The following ECT2 variants were observed in gnomAD, a reference collection of about 807,000 sequenced individuals.
ECT2 encodes protein ECT2.
A neutral mutation model predicts 116.9 loss-of-function variants in ECT2; 61 were observed. That is an observed-to-expected ratio of 0.52 (90% CI 0.42 to 0.65). The LOEUF (loss-of-function observed/expected upper bound fraction) is 0.65. Ranked by LOEUF, ECT2 falls within the 30% of genes least tolerant of loss-of-function variation. The probability of loss-of-function intolerance (pLI) is 0.00; values close to 1 mark genes in which losing one functional copy is unlikely to be tolerated. For synonymous variants in ECT2, 358 were observed against 346.4 expected (o/e 1.03, Z -0.37); for missense variants, 937 against 1,078.7 (o/e 0.87, Z 1.84).
chr3:172,787,026 A>G (rs1723721647), intron 18 of ECT2, among the ~76,000 whole-genome samples: 1 of 152,192 alleles, frequency 6.6e-6, no homozygotes, highest in Admixed American at 6.5e-5. Context: ...TTGGTTGGAA[A>G]TGTATTAAAA....
At chr3:172,770,483 T>C (rs1720407673) in intron 13 of ECT2, among the ~76,000 whole-genome samples, 2 of 152,158 alleles carry the variant, frequency 1.3e-5, no homozygotes, top group Admixed American at 1.3e-4. Flanking sequence ...GTGGCCTAAA[T>C]TCATGATAGT....
At chr3:172,773,424 T>C (rs1721027576) in intron 13 of ECT2, among the ~76,000 whole-genome samples, 1 of 152,114 alleles carries the variant, frequency 6.6e-6, no homozygotes, top group South Asian at 2.1e-4. Flanking sequence ...TTCTTTTACT[T>C]TTTAGATTGA....
chr3:172,755,114 A>G (rs893654642), intron 2 of ECT2, among the ~76,000 whole-genome samples, 181 bp from the exon 3 acceptor site: 5 of 151,488 alleles, frequency 3.3e-5, no homozygotes, highest in African/African-American at 1.2e-4. Context: ...CTCTTTCTCT[A>G]AAGTGATATA....
chr3:172,757,250 C>A (rs1410514856), intron 5 of ECT2, 85 bp downstream of exon 5: 4 of 1,076,488 alleles, frequency 3.7e-6, no homozygotes, highest in African/African-American at 1.7e-5. Context: ...TTGGAAAAAT[C>A]TCATTGATTG....
chr3:172,781,685 G>A (rs1441449062), intron 14 of ECT2, among the ~76,000 whole-genome samples: 3 of 152,102 alleles, frequency 2.0e-5, no homozygotes, highest in Non-Finnish European at 4.4e-5. Context: ...AGCCCATTGC[G>A]TGTTTCGGTT....
chr3:172,765,665 A>G (rs1387556277), intron 12 of ECT2, among the ~76,000 whole-genome samples: 1 of 152,186 alleles, frequency 6.6e-6, no homozygotes, highest in African/African-American at 2.4e-5. Context: ...CAACACTTAG[A>G]AAAATCTTTA....
intron 22 of ECT2, among the ~76,000 whole-genome samples, chr3:172,808,214 T>G (rs1728121517): frequency 6.6e-6 from 1 of 152,094 alleles, no homozygotes; most frequent in Non-Finnish European, 1.5e-5. Flanking sequence ...ACCCTGTGAT[T>G]TTTCATTGAT....
chr3:172,826,405 T>G (rs1450461892), downstream of ECT2, among the ~76,000 whole-genome samples: 1 of 152,250 alleles, frequency 6.6e-6, no homozygotes, highest in African/African-American at 2.4e-5. Context: ...ACAGCACATC[T>G]TTTTATAGCA....
At chr3:172,822,027 A>G (rs1230590912), downstream of ECT2, among the ~76,000 whole-genome samples, 3 of 150,808 alleles carry the variant, frequency 2.0e-5, no homozygotes, top group Non-Finnish European at 4.5e-5. Context: ...ATGGATATTA[A>G]ATATAATTAA....
chr3:172,824,435 T>C (rs1055894091), downstream of ECT2, among the ~76,000 whole-genome samples: 1 of 152,116 alleles, frequency 6.6e-6, no homozygotes, highest in Non-Finnish European at 1.5e-5. Flanking sequence ...TCAGATCTCA[T>C]GAGAACTCTT....
the ECT2 span, chr3:172,828,637 A>AC: frequency 6.2e-5 from 12 of 192,240 alleles, no homozygotes; most frequent in Non-Finnish European, 1.2e-4. Flanking sequence ...TTTTTTAGAA[A>AC]CGTTGTGTTT....
At chr3:172,804,113 T>C (rs187797144) in intron 20 of ECT2, among the ~76,000 whole-genome samples, 11 of 152,256 alleles carry the variant, frequency 7.2e-5, no homozygotes, top group East Asian at 1.9e-4. Context: ...CCTGCCTCCT[T>C]TTTCTTTAAA....
intron 14 of ECT2, among the ~76,000 whole-genome samples, chr3:172,781,218 TAGTA>T (rs1226635488): frequency 1.3e-5 from 2 of 152,150 alleles, no homozygotes; most frequent in Admixed American, 6.6e-5. Flanking sequence ...CAAAAATAAT[TAGTA>T]AGGGGAGTGG....
rs375026534 is a variant in ECT2 at position 172,777,274 on chromosome 3, ATCT to A, written c.1548+3254_1548+3256del. 4.7e-3 allele frequency among the ~76,000 whole-genome samples: 713 copies of A among 152,300 alleles called. 5 individuals are homozygous for A. Among genetic ancestry groups the A allele is most frequent in the African/African-American group, 0.017 (690 of 41,568 alleles). On this transcript the variant is annotated intron_variant, in intron 14 of 24. Coordinates refer to ENST00000392692, the MANE Select transcript of ECT2 (RefSeq NM_001258315.2). Reference sequence around the variant, plus strand: ...CTGACTCATGAAGTTGGGCAAACTAATCTTAAGTTTTTTGTAGTGTTAAAACTT... The same window carrying A: ...CTGACTCATGAAGTTGGGCAAACTAATAAGTTTTTTGTAGTGTTAAAACTT...
chr3:172,762,383 A>ATG, intron 8 of ECT2, 33 bp from the exon 9 acceptor site: 14 of 1,575,182 alleles, frequency 8.9e-6, no homozygotes, highest in Non-Finnish European at 1.2e-5. Context: ...ATTTAAGTTA[A>ATG]ACTGGTTTTG....
intron 14 of ECT2, among the ~76,000 whole-genome samples, chr3:172,774,234 G>C (rs1303853170): frequency 6.6e-6 from 1 of 152,102 alleles, no homozygotes. Flanking sequence ...GTCTCACTCT[G>C]TCACCCAGGT....
chr3:172,802,852 C>A lies in ECT2; in HGVS notation c.1987-9C>A. 1 of 1,603,092 alleles carries A rather than the reference C, an allele frequency of 6.2e-7. No individual in the cohort carries two copies. The highest frequency in any genetic ancestry group is 8.5e-7 in the Non-Finnish European group (1 of 1,176,822). The stretch of plus-strand genomic sequence containing the variant: ...GTGATCTCTTTTGTTATATTTTCAA[C>A]CTATACAGGCTAATCTTTTATCTTC... On this transcript the variant is annotated splice_polypyrimidine_tract_variant and intron_variant, in intron 19 of 24. Coordinates refer to ENST00000392692, the MANE Select transcript of ECT2 (RefSeq NM_001258315.2).
chr3:172,829,180 G>T, the ECT2 span: 1 of 463,204 alleles, frequency 2.2e-6, no homozygotes, highest in Non-Finnish European at 4.0e-6. Context: ...CATTTTTTCA[G>T]TCTCCCAGCT....
At chr3:172,795,366 ATTTTTG>A (rs1725448195) in intron 18 of ECT2, among the ~76,000 whole-genome samples, 1 of 151,686 alleles carries the variant, frequency 6.6e-6, no homozygotes, top group Non-Finnish European at 1.5e-5. Context: ...GTCAAAATAC[ATTTTTG>A]CTTGGAATTA....
Sources: gnomAD v4.1 joint callset for allele counts (sites outside exome capture counted in the v4.1 genomes callset) on GRCh38, gnomAD v4.1.1 for gene constraint, MANE v1.5 for transcripts, NCBI Gene and HGNC (gene_info 2026-07-23, HGNC 2026-07-21) for gene names.